CSMD1: variants seen among roughly 807,000 people sequenced by gnomAD.
The protein encoded by CSMD1 is CUB and Sushi multiple domains 1.
In CSMD1, 213 loss-of-function variants were observed where a neutral mutation model predicts 417.5. The ratio of observed to expected loss-of-function variants is 0.51; its 90% CI spans 0.46 to 0.57. The LOEUF (loss-of-function observed/expected upper bound fraction) is 0.57, where lower values mean the gene tolerates loss of function less well. CSMD1 is among the 20% of genes least tolerant of loss of function. CSMD1 has a pLI of 0.00. For missense variants in CSMD1, 6,923 were observed against 4,529.7 expected, an observed-to-expected ratio of 1.53 and a Z score of -15.17; for synonymous variants, 2,862 against 1,736.8, an observed-to-expected ratio of 1.65 and a Z score of -16.11.
chr8:4,086,530 A>G (rs1300253310), intron 3 of CSMD1, among the ~76,000 whole-genome samples: 3 of 152,284 alleles, frequency 2.0e-5, no homozygotes, highest in South Asian at 2.1e-4. Context: ...TCAACTCCCA[A>G]TTTGTCAAGC....
intron 26 of CSMD1, among the ~76,000 whole-genome samples, chr8:3,283,425 C>T (rs1269978457): frequency 2.0e-5 from 3 of 152,082 alleles, no homozygotes; most frequent in Admixed American, 2.0e-4. Flanking sequence ...TAATTGAAAC[C>T]TTTAAAGTCG....
intron 1 of CSMD1, among the ~76,000 whole-genome samples, chr8:4,831,645 T>C (rs1196814620): frequency 1.3e-5 from 2 of 152,178 alleles, no homozygotes; most frequent in African/African-American, 2.4e-5. Flanking sequence ...GGAAAGGTCA[T>C]GGAATGATGA....
intron 3 of CSMD1, among the ~76,000 whole-genome samples, chr8:4,399,120 G>A (rs943076818): frequency 6.6e-6 from 1 of 152,126 alleles, no homozygotes; most frequent in South Asian, 2.1e-4. Context: ...TAAGAGTTTT[G>A]TGTTTAAAAT....
chr8:3,768,782 G>T (rs894247339), intron 5 of CSMD1, among the ~76,000 whole-genome samples: 5 of 152,322 alleles, frequency 3.3e-5, no homozygotes, highest in African/African-American at 1.2e-4. Context: ...AAATCGTAAG[G>T]CTTGTCCTAA....
At chr8:4,165,696 C>G (rs1178391880) in intron 3 of CSMD1, among the ~76,000 whole-genome samples, 2 of 152,200 alleles carry the variant, frequency 1.3e-5, no homozygotes, top group East Asian at 3.9e-4. Flanking sequence ...ACCCATCACA[C>G]CCGGCCCAAG....
At chr8:4,524,569 C>T (rs202161771) in intron 2 of CSMD1, among the ~76,000 whole-genome samples, 138 of 117,780 alleles carry the variant, frequency 1.2e-3, no homozygotes, top group Middle Eastern at 5.0e-3. Context: ...CACACTTGGT[C>T]TTTTTTTTTT....
intron 5 of CSMD1, among the ~76,000 whole-genome samples, chr8:3,981,926 C>G (rs1034104162): frequency 1.3e-5 from 2 of 152,028 alleles, no homozygotes; most frequent in African/African-American, 2.4e-5. Flanking sequence ...AATCCCGGCA[C>G]TTTGGGAGGC....
intron 3 of CSMD1, among the ~76,000 whole-genome samples, chr8:4,376,965 G>A (rs1056534863): frequency 6.6e-6 from 1 of 152,138 alleles, no homozygotes; most frequent in African/African-American, 2.4e-5. Context: ...TCACCGCACA[G>A]GTGCTGAGCA....
At chr8:4,088,372 T>C (rs899729354) in intron 3 of CSMD1, among the ~76,000 whole-genome samples, 4 of 152,224 alleles carry the variant, frequency 2.6e-5, no homozygotes, top group African/African-American at 9.6e-5. Context: ...CGTCTTACTT[T>C]TGCGGGAAAG....
chr8:4,149,435 C>T (rs1796451603), intron 3 of CSMD1, among the ~76,000 whole-genome samples: 1 of 152,062 alleles, frequency 6.6e-6, no homozygotes, highest in Non-Finnish European at 1.5e-5. Flanking sequence ...AACGGTATTT[C>T]TACATAAGGG....
At chr8:4,680,609 C>A (rs1805977744) in intron 1 of CSMD1, among the ~76,000 whole-genome samples, 3 of 152,218 alleles carry the variant, frequency 2.0e-5, no homozygotes, top group African/African-American at 7.2e-5. Flanking sequence ...GTGACAGAGT[C>A]TTCCTCTGTT....
intron 3 of CSMD1, among the ~76,000 whole-genome samples, chr8:4,160,390 G>C (rs778794284): frequency 1.3e-5 from 2 of 152,104 alleles, no homozygotes; most frequent in East Asian, 1.9e-4. Flanking sequence ...GTGTTATGTT[G>C]ACATATATAT....
chr8:3,691,170 C>T (rs557566461), intron 7 of CSMD1, among the ~76,000 whole-genome samples: 81 of 152,042 alleles, frequency 5.3e-4, no homozygotes, highest in African/African-American at 1.7e-3. Context: ...AGTTTGAGAC[C>T]AGCGTGACCA....
chr8:4,657,822 C>G (rs1310892149), intron 1 of CSMD1, among the ~76,000 whole-genome samples: 1 of 150,940 alleles, frequency 6.6e-6, no homozygotes, highest in Non-Finnish European at 1.5e-5. Context: ...TAAAGGAAAC[C>G]ATAGACAAAA....
chr8:4,725,045 A>G (rs1169549884), intron 1 of CSMD1, among the ~76,000 whole-genome samples: 1 of 152,166 alleles, frequency 6.6e-6, no homozygotes, highest in African/African-American at 2.4e-5. Context: ...TGCTATTTTA[A>G]ACATAAAAGG....
At chr8:4,810,318 C>G (rs946540520) in intron 1 of CSMD1, among the ~76,000 whole-genome samples, 1 of 150,380 alleles carries the variant, frequency 6.6e-6, no homozygotes, top group African/African-American at 2.5e-5. Context: ...TGTTCCTCAA[C>G]TTATTTTTCT....
intron 3 of CSMD1, among the ~76,000 whole-genome samples, chr8:4,172,382 C>A (rs1473143929): frequency 6.6e-6 from 1 of 151,980 alleles, no homozygotes; most frequent in Non-Finnish European, 1.5e-5. Flanking sequence ...TAAATCAAAT[C>A]CAAATCTAAA....
intron 11 of CSMD1, among the ~76,000 whole-genome samples, chr8:3,492,349 C>T (rs1044833549): frequency 1.3e-5 from 2 of 152,116 alleles, no homozygotes; most frequent in African/African-American, 4.8e-5. Flanking sequence ...TCACATAGGG[C>T]AGACCAGCTC....
chr8:4,938,804 A>C (rs1012682974), intron 1 of CSMD1, among the ~76,000 whole-genome samples: 4 of 152,162 alleles, frequency 2.6e-5, no homozygotes, highest in Non-Finnish European at 4.4e-5. Flanking sequence ...TTTATATTTC[A>C]TATTTTTGGC....
Sources: gnomAD v4.1 joint callset for allele counts (sites outside exome capture counted in the v4.1 genomes callset) on GRCh38, gnomAD v4.1.1 for gene constraint, MANE v1.5 for transcripts, NCBI Gene and HGNC (gene_info 2026-07-23, HGNC 2026-07-21) for gene names.